Variants in PITPNM2 observed in about 807,000 individuals in gnomAD.
PITPNM2 encodes phosphatidylinositol transfer protein membrane associated 2.
PITPNM2 carries 35 observed loss-of-function variants against 132.2 expected under a neutral mutation model. That is an observed-to-expected ratio of 0.26 (90% CI 0.20 to 0.35). The LOEUF (loss-of-function observed/expected upper bound fraction) is 0.35. PITPNM2 is among the 10% of genes least tolerant of loss of function. PITPNM2 has a pLI of 1.00. For missense variants in PITPNM2, 1,332 were observed against 1,912.0 expected (o/e 0.70, Z 5.66); for synonymous variants, 738 against 799.2 (o/e 0.92, Z 1.29).
In PITPNM2 at chr12:122,992,649, A is replaced by G; in HGVS notation, c.2254T>C (p.Cys752Arg). 1 of 1,565,960 alleles carries G rather than the reference A, an allele frequency of 6.4e-7. No homozygotes were observed. Among genetic ancestry groups the G allele is most frequent in the Non-Finnish European group, 8.7e-7 (1 of 1,152,536 alleles). ...TGGAAGAGGTTGTAGACTTGCTGGC[A>G]GGCCGGCCGCAGCTGGAAAACTGGG... ...ALDVFQLRPA[C>R]QQVYNLFHPA... The change falls in exon 16 of 26, where the codon TGC becomes CGC. Residue 752 changes from cysteine (C) to arginine (R), a missense_variant. By Grantham distance (180) the Cys-to-Arg change is radical (BLOSUM62 -3). Coordinates refer to ENST00000320201, the MANE Select transcript of PITPNM2 (RefSeq NM_020845.3). The surrounding 1 kb of genome is among the most constrained non-coding windows in gnomAD (Gnocchi z 6.5).
At chr12:122,991,604 TC>T in intron 16 of PITPNM2, 1 of 863,960 alleles carries the variant, frequency 1.2e-6, no homozygotes, top group Non-Finnish European at 1.5e-6. Context: ...CGACATCAGC[TC>T]CCCAGAGCCG....
Position 123,005,626 on chromosome 12 carries a change from C to T in PITPNM2, c.644-78G>A. On this transcript the variant is annotated intron_variant, in intron 6 of 25. Transcript: ENST00000320201. This position sits in a 1 kb window ranked among gnomAD's most constrained non-coding sequence, Gnocchi z 6.2. The stretch of plus-strand genomic sequence containing the variant: ...AGGAGCCTGCACGGAAGTGTGGGGC[C>T]CAGGCAGGGGCTTTGGGAGGCTGTA... The T allele has an allele frequency of 7.0e-7, 1 of 1,436,568 alleles. No individual in the cohort carries two copies. The highest frequency in any genetic ancestry group is 9.5e-7 in the Non-Finnish European group (1 of 1,054,164). 89.0% of individuals were successfully genotyped at this position (1,436,568 alleles called of 1,614,324 possible). A position where few individuals can be genotyped will look rare whatever the true frequency, so the allele number is the denominator to read the frequency against.
chr12:123,149,188 C>T (rs530468720), intron 1 of PITPNM2, among the ~76,000 whole-genome samples: 9 of 152,292 alleles, frequency 5.9e-5, no homozygotes, highest in Non-Finnish European at 1.0e-4. Context: ...TCTCGACTCC[C>T]GCAGTCCACT....
intron 2 of PITPNM2, chr12:123,091,189 C>T (rs1182599094): frequency 6.6e-6 from 1 of 152,246 alleles, no homozygotes; most frequent in African/African-American, 2.4e-5. Context: ...AGGTGCCTGG[C>T]TTCACAGCAG....
intron 2 of PITPNM2, among the ~76,000 whole-genome samples, chr12:123,038,295 TAGG>T (rs2040346576): frequency 6.6e-6 from 1 of 152,172 alleles, no homozygotes; most frequent in Non-Finnish European, 1.5e-5. Context: ...GGGTGACTAA[TAGG>T]AGAGAGGACT....
At chr12:123,059,823 TG>T (rs1459047707) in intron 2 of PITPNM2, among the ~76,000 whole-genome samples, 1 of 151,758 alleles carries the variant, frequency 6.6e-6, no homozygotes, top group Non-Finnish European at 1.5e-5. Flanking sequence ...GAGGGAGGAA[TG>T]GGAAGTGACT....
At chr12:122,991,928 C>A in intron 16 of PITPNM2, 1 of 1,305,280 alleles carries the variant, frequency 7.7e-7, no homozygotes, top group Non-Finnish European at 9.7e-7. Context: ...GAACAGAGGA[C>A]AAGAACAGAC....
At chr12:123,135,316 T>C (rs974828054) in intron 1 of PITPNM2, among the ~76,000 whole-genome samples, 16 of 152,200 alleles carry the variant, frequency 1.1e-4, no homozygotes, top group Admixed American at 9.8e-4. Context: ...TAATGTACTT[T>C]CATTTTAAAT....
At chr12:122,988,144 G>A in intron 20 of PITPNM2, 90 bp downstream of exon 20, 2 of 1,183,856 alleles carry the variant, frequency 1.7e-6, no homozygotes, top group Non-Finnish European at 2.5e-6. Context: ...TAAGACTGCA[G>A]GCTTCCCTGC....
chr12:123,017,669 A>G (rs953943821), intron 3 of PITPNM2, among the ~76,000 whole-genome samples: 5 of 152,254 alleles, frequency 3.3e-5, no homozygotes, highest in South Asian at 4.1e-4. Flanking sequence ...CAATAATAGA[A>G]TATTATTCAG....
At chr12:123,012,873 C>T in intron 4 of PITPNM2, 139 bp from the exon 5 acceptor site, 1 of 1,147,830 alleles carries the variant, frequency 8.7e-7, no homozygotes, top group Non-Finnish European at 1.2e-6. Flanking sequence ...CGAGACTTGC[C>T]TGCCCTGTCC....
chr12:123,039,100 T>C (rs934939680), intron 2 of PITPNM2, among the ~76,000 whole-genome samples: 3 of 151,602 alleles, frequency 2.0e-5, no homozygotes, highest in African/African-American at 7.3e-5. Flanking sequence ...AACATGGGGC[T>C]CCATCGAGTG....
At chr12:123,028,956 C>CA (rs1209759065) in intron 3 of PITPNM2, among the ~76,000 whole-genome samples, 1 of 152,160 alleles carries the variant, frequency 6.6e-6, no homozygotes, top group Non-Finnish European at 1.5e-5. Flanking sequence ...ACAGGTAGTG[C>CA]CTTGGGTCTC....
Position 123,104,199 on chromosome 12 carries a change from G to A in PITPNM2, c.-96+6186C>T, listed in dbSNP as rs146333163. 6.4e-3 allele frequency among the ~76,000 whole-genome samples: 974 copies of A among 152,292 alleles called. 14 individuals carry two copies. The highest frequency in any genetic ancestry group is 0.022 in the African/African-American group (918 of 41,550). Reference sequence around the variant, plus strand: ...GCCCGTGTTGGCCTCCCAAAGTGCTGGGATTACAGGCGTGGGCCACCATGC... The same window carrying A: ...GCCCGTGTTGGCCTCCCAAAGTGCTAGGATTACAGGCGTGGGCCACCATGC... On this transcript the variant is annotated intron_variant, in intron 2 of 25. Coordinates refer to ENST00000320201, the MANE Select transcript of PITPNM2 (RefSeq NM_020845.3).
Position 123,004,743 on chromosome 12 carries a change from A to G in PITPNM2, c.953-254T>C. On this transcript the variant is annotated intron_variant, in intron 7 of 25. Coordinates refer to ENST00000320201, the MANE Select transcript of PITPNM2 (RefSeq NM_020845.3). The surrounding 1 kb of genome is among the most constrained non-coding windows in gnomAD (Gnocchi z 4.9). ...GGGTGGGGAAGAGCATGACAGACAT[A>G]AGCCCAGGACGTGGGGTAAGACAGG... The G allele has an allele frequency of 1.7e-6, 1 of 598,604 alleles. No homozygotes were observed. The allele number at this position is 598,604 out of a possible 1,614,324, so 37.1% of individuals were successfully genotyped here.
intron 10 of PITPNM2, among the ~76,000 whole-genome samples, chr12:122,999,239 C>T (rs1363857822): frequency 1.3e-5 from 2 of 152,118 alleles, no homozygotes; most frequent in East Asian, 1.9e-4. Flanking sequence ...GCTGCCCTCA[C>T]CCCAGGAGGA....
intron 2 of PITPNM2, among the ~76,000 whole-genome samples, chr12:123,045,271 A>C (rs2040616174): frequency 6.6e-6 from 1 of 152,028 alleles, no homozygotes; most frequent in Non-Finnish European, 1.5e-5. Context: ...CGCTTCTTTG[A>C]TCCCCTTTAT....
chr12:123,044,489 G>A (rs560463546), intron 2 of PITPNM2, among the ~76,000 whole-genome samples: 4 of 152,176 alleles, frequency 2.6e-5, no homozygotes, highest in Non-Finnish European at 5.9e-5. Context: ...AATTCTCCAG[G>A]GAAATCAGAG....
At chr12:123,019,585 G>A (rs1051685254) in intron 3 of PITPNM2, among the ~76,000 whole-genome samples, 13 of 152,152 alleles carry the variant, frequency 8.5e-5, no homozygotes, top group Non-Finnish European at 1.0e-4. Context: ...ATGAGCAAGC[G>A]CTCCTCTCTC....
Sources: allele counts gnomAD v4.1 joint callset (sites outside exome capture counted in the v4.1 genomes callset), GRCh38; gene constraint gnomAD v4.1.1; non-coding constraint Gnocchi (gnomAD v3.1); transcripts MANE v1.5; gene names NCBI Gene and HGNC (gene_info 2026-07-23, HGNC 2026-07-21).